CD55: variants seen among roughly 807,000 people sequenced by gnomAD.
CD55 encodes the protein CD55 molecule (Cromer blood group), also known as complement decay-accelerating factor.
CD55 carries 41 observed loss-of-function variants against 45.8 expected under a neutral mutation model. That is an observed-to-expected ratio of 0.90 (90% CI 0.70 to 1.16). The LOEUF (loss-of-function observed/expected upper bound fraction) is 1.16, where lower values mean the gene tolerates loss of function less well. Among genes scored for constraint, CD55 ranks in the 50% most tolerant of loss-of-function variants. The pLI is 0.00. For synonymous variants in CD55, 181 were observed against 181.1 expected (o/e 1.00, Z 0.01); for missense variants, 416 against 469.8 (o/e 0.89, Z 1.06).
chr1:207,331,488 CACAT>C (rs1465441346), intron 6 of CD55, among the ~76,000 whole-genome samples, 192 bp downstream of exon 6: 8 of 152,128 alleles, frequency 5.3e-5, no homozygotes, highest in Non-Finnish European at 1.0e-4. Flanking sequence ...CACACACACA[CACAT>C]ACTCACACAT....
At chr1:207,350,190 T>C (rs1391252586) in intron 9 of CD55, 1 of 439,270 alleles carries the variant, frequency 2.3e-6, no homozygotes, top group South Asian at 1.6e-5. Context: ...TGAGCCAACC[T>C]TGCATCCCAG....
chr1:207,342,101 C>T (rs1655451477), intron 9 of CD55, among the ~76,000 whole-genome samples: 1 of 151,920 alleles, frequency 6.6e-6, no homozygotes, highest in Admixed American at 6.6e-5. Flanking sequence ...TTTCCTGCAA[C>T]TGTACTGAAT....
chr1:207,343,370 A>G lies in CD55; in HGVS notation c.1081+3953A>G, dbSNP rs547953635. Among the ~76,000 whole-genome samples the G allele has an allele frequency of 5.3e-5, 8 of 152,182 alleles. No homozygotes were observed. The South Asian group carries it at 1.5e-3, about 28-fold the overall frequency. Reference sequence around the variant, plus strand: ...TGCTATGTCTGATAAGTTTTGCTACACTGTTGCCATTTCTATTTTTTCAAG... The same window carrying G: ...TGCTATGTCTGATAAGTTTTGCTACGCTGTTGCCATTTCTATTTTTTCAAG... On this transcript the variant is annotated intron_variant, in intron 9 of 9. Coordinates refer to ENST00000367064, the MANE Select transcript of CD55 (RefSeq NM_000574.5).
intron 9 of CD55, chr1:207,346,992 T>C (rs1655666376): frequency 2.4e-6 from 1 of 422,778 alleles, no homozygotes; most frequent in Non-Finnish European, 4.8e-6. Context: ...CTCTCCAGGC[T>C]TCCAGGCAAT....
Position 207,359,698 on chromosome 1 carries a change from G to A in CD55, c.*88G>A. The A allele has an allele frequency of 6.8e-7, 1 of 1,473,654 alleles. No individual in the cohort carries two copies. The allele number at this position is 1,473,654 out of a possible 1,614,324, so 91.3% of individuals were successfully genotyped here. A position where few individuals can be genotyped will look rare whatever the true frequency, so the allele number is the denominator to read the frequency against. The stretch of plus-strand genomic sequence containing the variant: ...TATCTGCATATTGGATAAAATAAAT[G>A]CAATTGTGCTCTTCATTTAGGATGC... On this transcript the variant is annotated 3_prime_UTR_variant, in exon 10 of 10. Transcript: ENST00000367064.
intron 9 of CD55, chr1:207,354,071 C>T: frequency 6.5e-7 from 1 of 1,535,082 alleles, no homozygotes; most frequent in South Asian, 1.2e-5. Flanking sequence ...AGATGATGTG[C>T]ATCCTCTAGG....
In CD55 at chr1:207,360,930, G is replaced by A. The variant is rs552358820; in HGVS notation, c.*1320G>A. On this transcript the variant is annotated 3_prime_UTR_variant, in exon 10 of 10. Coordinates refer to ENST00000367064, the MANE Select transcript of CD55 (RefSeq NM_000574.5). ...GGCATTTCACTGTAAAGACTTTAAT[G>A]TGTATTTCTTAAAATAAAACTTTTT... is the stretch of plus-strand genomic sequence containing the variant. The A allele has an allele frequency of 5.3e-5, 8 of 152,234 alleles. No homozygotes were observed. The highest frequency in any genetic ancestry group is 1.9e-4 in the African/African-American group (8 of 41,544). The allele number at this position is 152,234 out of a possible 1,614,324, so 9.4% of individuals were successfully genotyped here.
intron 2 of CD55, among the ~76,000 whole-genome samples, chr1:207,323,718 A>G (rs1438697298): frequency 6.6e-6 from 1 of 152,164 alleles, no homozygotes; most frequent in African/African-American, 2.4e-5. Flanking sequence ...TTAACTTTTT[A>G]TTTTTATCCA....
chr1:207,336,650 A>G (rs777995531), intron 6 of CD55, 43 bp from the exon 7 acceptor site: 2 of 1,607,938 alleles, frequency 1.2e-6, no homozygotes, highest in Non-Finnish European at 1.7e-6. Context: ...TAATGTGGCC[A>G]GCAATATTTA....
Position 207,322,457 on chromosome 1 carries a change from C to T in CD55, c.176C>T (p.Thr59Ile). 10 of 1,614,218 alleles carry T rather than the reference C, an allele frequency of 6.2e-6. No individual in the cohort carries two copies. The highest frequency in any genetic ancestry group is 8.5e-6 in the Non-Finnish European group (10 of 1,180,008). ...LEGRTSFPED[T>I]VITYKCEESF... The stretch of plus-strand genomic sequence containing the variant: ...GGCCGTACAAGTTTTCCCGAGGATA[C>T]TGTAATAACGTACAAATGTGAAGAA... The change falls in exon 2 of 10, where the codon ACT becomes ATT. Residue 59 changes from threonine (T) to isoleucine (I), a missense_variant. This residue lies in a region of CD55 where 123 missense variants were observed against 105.1 expected (regional missense o/e 1.17). Transcript: ENST00000367064.
intron 9 of CD55, among the ~76,000 whole-genome samples, chr1:207,344,268 C>G (rs954182099): frequency 3.9e-5 from 6 of 152,120 alleles, no homozygotes. Flanking sequence ...GTTTTTCTTT[C>G]ATAACATTTT....
intron 9 of CD55, among the ~76,000 whole-genome samples, chr1:207,347,814 TAGGTGAGA>T (rs1655709115): frequency 1.3e-5 from 2 of 152,222 alleles, no homozygotes; most frequent in African/African-American, 4.8e-5. Context: ...TTCCCACTTA[TAGGTGAGA>T]AGATGCAGTA....
chr1:207,340,397 G>A lies in CD55; in HGVS notation c.1081+980G>A, dbSNP rs754435604. 6.0e-5 allele frequency: 26 copies of A among 435,580 alleles called. No individual in the cohort carries two copies. In the South Asian group the frequency reaches 8.6e-4, roughly 14 times the overall value. The allele number at this position is 435,580 out of a possible 1,614,324, so 27.0% of individuals were successfully genotyped here. A position where few individuals can be genotyped will look rare whatever the true frequency, so the allele number is the denominator to read the frequency against. On this transcript the variant is annotated intron_variant, in intron 9 of 9. Transcript: ENST00000367064. ...TATTTTTTTTTTGAGACAGGTTCTC[G>A]TCCTGTCACCCAGGCTGGTATGCGG...
At chr1:207,330,785 G>T (rs1409442331) in intron 5 of CD55, among the ~76,000 whole-genome samples, 12 of 152,210 alleles carry the variant, frequency 7.9e-5, no homozygotes, top group Non-Finnish European at 1.6e-4. Flanking sequence ...CTAAAATCCT[G>T]CAGCATTCAC....
At chr1:207,340,190 T>C (rs1022797352) in intron 9 of CD55, among the ~76,000 whole-genome samples, 1 of 152,156 alleles carries the variant, frequency 6.6e-6, no homozygotes, top group African/African-American at 2.4e-5. Flanking sequence ...CTTTTTTAGG[T>C]CTCACATGTG....
chr1:207,325,785 GA>G, intron 4 of CD55, 64 bp downstream of exon 4: 1 of 906,186 alleles, frequency 1.1e-6, no homozygotes, highest in East Asian at 2.5e-5. Context: ...GACTTAAGGT[GA>G]GATTGTTAGT....
chr1:207,353,040 G>GTTTTTTTTT (rs386369456), intron 9 of CD55, among the ~76,000 whole-genome samples: 10 of 47,418 alleles, frequency 2.1e-4, no homozygotes, highest in Admixed American at 3.5e-4. Flanking sequence ...CTATTACCAG[G>GTTTTTTTTT]TTTTTTTTTT....
At chr1:207,323,642 A>G (rs898676097) in intron 2 of CD55, among the ~76,000 whole-genome samples, 7 of 152,356 alleles carry the variant, frequency 4.6e-5, no homozygotes, top group African/African-American at 1.4e-4. Context: ...AACTTAAATC[A>G]ATAGAAGCTA....
intron 6 of CD55, among the ~76,000 whole-genome samples, chr1:207,332,865 C>T (rs1031554951): frequency 1.3e-5 from 2 of 152,088 alleles, no homozygotes; most frequent in African/African-American, 4.8e-5. Context: ...GTGGTGAAGG[C>T]AACCCATCCT....
Sources: allele counts gnomAD v4.1 joint callset (sites outside exome capture counted in the v4.1 genomes callset), GRCh38; gene constraint gnomAD v4.1.1; regional missense constraint gnomAD v4.1.1; transcripts MANE v1.5; gene names NCBI Gene and HGNC (gene_info 2026-07-23, HGNC 2026-07-21).